The following CSF2RA variants were observed in gnomAD, a reference collection of about 807,000 sequenced individuals.
CSF2RA encodes the protein colony stimulating factor 2 receptor subunit alpha.
Under a neutral mutation model 51.6 loss-of-function variants are expected in CSF2RA, and 42 were observed. That is an observed-to-expected ratio of 0.81 (90% CI 0.64 to 1.05). The LOEUF is 1.05. CSF2RA is among the 50% of genes least tolerant of loss of function. CSF2RA has a pLI of 0.00. For synonymous variants in CSF2RA, 222 were observed against 193.0 expected, an observed-to-expected ratio of 1.15 and a Z score of -1.24; for missense variants, 530 against 501.1, an observed-to-expected ratio of 1.06 and a Z score of -0.55.
intron 2 of CSF2RA, among the ~76,000 whole-genome samples, chrX:1,280,085 C>T (rs1377632249): frequency 1.8e-4 from 27 of 152,028 alleles, no homozygotes; most frequent in Admixed American, 2.6e-4. Context: ...CCACTGTGCC[C>T]GGCCGAGAGA....
At chrX:1,305,754 G>T (rs1447134165) in intron 12 of CSF2RA, 55 of 1,551,608 alleles carry the variant, frequency 3.5e-5, no homozygotes, top group Non-Finnish European at 4.5e-5. Context: ...AGGAGAAACT[G>T]AGGCAGGGTG....
chrX:1,269,961 T>C (rs1365717647), intron 1 of CSF2RA, among the ~76,000 whole-genome samples: 1 of 151,386 alleles, frequency 6.6e-6, no homozygotes, highest in Non-Finnish European at 1.5e-5. Flanking sequence ...TAGAAAAAAT[T>C]AGCTAGGTGT....
downstream of CSF2RA, among the ~76,000 whole-genome samples, chrX:1,314,432 C>T (rs1416520191): frequency 4.7e-5 from 7 of 149,240 alleles, no homozygotes; most frequent in East Asian, 3.9e-4. Context: ...CCTGCCCAAC[C>T]GCACTGCACT....
At chrX:1,300,650 G>C (rs765581573) in intron 10 of CSF2RA, 24 bp downstream of exon 10, 1 of 1,613,906 alleles carries the variant, frequency 6.2e-7, no homozygotes, top group Non-Finnish European at 8.5e-7. Flanking sequence ...GGAGGTAAGG[G>C]ATGTTTGTGC....
chrX:1,290,635 C>CG, intron 7 of CSF2RA, 126 bp downstream of exon 7: 1 of 952,070 alleles, frequency 1.1e-6, no homozygotes, highest in Non-Finnish European at 1.7e-6. Context: ...GAGGCCGAGG[C>CG]GGGCCGATCA....
At chrX:1,311,122 A>T (rs1325942075), downstream of CSF2RA, among the ~76,000 whole-genome samples, 1 of 150,750 alleles carries the variant, frequency 6.6e-6, no homozygotes, top group Non-Finnish European at 1.5e-5. Context: ...GGTGGCGGCC[A>T]CCTGTAGTCC....
chrX:1,281,071 C>T (rs1170685500), intron 2 of CSF2RA, among the ~76,000 whole-genome samples: 5 of 77,360 alleles, frequency 6.5e-5, no homozygotes, highest in Non-Finnish European at 1.3e-4. Context: ...TCCTCCTTCT[C>T]CTCCTCCTCC....
In CSF2RA at chrX:1,309,315, G is replaced by A. The variant is rs574308968; in HGVS notation, c.1126-87G>A. 2,450 of 1,369,486 alleles carry A rather than the reference G, an allele frequency of 1.8e-3. 38 individuals are homozygous for A. Among genetic ancestry groups the A allele is most frequent in the South Asian group, 0.016 (1,368 of 85,688 alleles). 84.8% of individuals were successfully genotyped at this position (1,369,486 alleles called of 1,614,324 possible). On this transcript the variant is annotated intron_variant, in intron 12 of 12. Transcript: ENST00000381529. ...GGGCAATAGAATGAGACTCCGTCTC[G>A]AGGGAGAAAAAGAAAATAAACACAG...
chrX:1,280,488 AAAG>A (rs1556502304), intron 2 of CSF2RA, among the ~76,000 whole-genome samples: 3 of 121,226 alleles, frequency 2.5e-5, no homozygotes, highest in Admixed American at 1.7e-4. Flanking sequence ...AAAAAAAAAA[AAAG>A]AAGAAGAAGA....
intron 2 of CSF2RA, among the ~76,000 whole-genome samples, chrX:1,277,274 A>G (rs2089299311): frequency 6.6e-6 from 1 of 151,928 alleles, no homozygotes; most frequent in African/African-American, 2.4e-5. Context: ...TCCAGCCCCC[A>G]AGAGGGGGTT....
chrX:1,305,557 G>A, intron 12 of CSF2RA, 30 bp downstream of exon 12: 2 of 1,613,982 alleles, frequency 1.2e-6, no homozygotes, highest in Non-Finnish European at 1.7e-6. Flanking sequence ...GCAGTGACCT[G>A]GGATGGAAGG....
Position 1,285,936 on chromosome X carries a change from C to A in CSF2RA, c.219+16C>A. On this transcript the variant is annotated intron_variant, in intron 4 of 12. Transcript: ENST00000381529. ...GGAACCCAGGGTGAGACGAATTTCC[C>A]ATTCTCAACCCCTGTCCTTTACACA... 6.2e-7 allele frequency: 1 copy of A among 1,613,778 alleles called. No individual in the cohort carries two copies. The highest frequency in any genetic ancestry group is 8.5e-7 in the Non-Finnish European group (1 of 1,179,808).
At position 1,302,483 on chromosome X, in the gene CSF2RA, C is replaced by T. The variant is rs375899804; in HGVS notation, c.947-1440C>T. On this transcript the variant is annotated intron_variant, in intron 10 of 12. Coordinates refer to ENST00000381529, the MANE Select transcript of CSF2RA (RefSeq NM_172245.4). ...GTCTGGTGGGCCGGGGTGACTGCAC[C>T]TGTAAGAAATTTTTTTTGTTTATTT... is the stretch of plus-strand genomic sequence containing the variant. 7.2e-5 allele frequency among the ~76,000 whole-genome samples: 11 copies of T among 151,954 alleles called. 1 individual carries two copies. In the East Asian group the frequency reaches 1.7e-3, roughly 24 times the overall value.
At chrX:1,314,981 A>ACCCC (rs1569515172), downstream of CSF2RA, among the ~76,000 whole-genome samples, 11 of 112,510 alleles carry the variant, frequency 9.8e-5, 1 homozygote, top group African/African-American at 3.6e-4. Flanking sequence ...TGCCTGCCCA[A>ACCCC]TCGCACTGCA....
At chrX:1,300,177 C>A in intron 9 of CSF2RA, 1 of 277,522 alleles carries the variant, frequency 3.6e-6, no homozygotes, top group Admixed American at 5.0e-5. Context: ...CAAGATCGCG[C>A]CACTGCACTG....
At chrX:1,291,281 TCTTCCTTC>T (rs1218092149) in intron 7 of CSF2RA, among the ~76,000 whole-genome samples, 1 of 59,390 alleles carries the variant, frequency 1.7e-5, no homozygotes, top group African/African-American at 5.9e-5. Flanking sequence ...TCTTCTTTTT[TCTTCCTTC>T]CTTCCTTCCT....
chrX:1,313,673 T>C (rs1334559326), downstream of CSF2RA, among the ~76,000 whole-genome samples: 790 of 134,316 alleles, frequency 5.9e-3, no homozygotes, highest in Middle Eastern at 0.086. Flanking sequence ...GATCACGCCA[T>C]TGCACTCCAA....
intron 10 of CSF2RA, among the ~76,000 whole-genome samples, chrX:1,301,772 ATTTTTTTT>A (rs1158963938): frequency 7.8e-6 from 1 of 128,662 alleles, no homozygotes; most frequent in Non-Finnish European, 1.7e-5. Context: ...AATTTTTTGT[ATTTTTTTT>A]TTTTTAGTAG....
In CSF2RA at chrX:1,285,973, G is replaced by C. The variant is rs1448421242; in HGVS notation, c.219+53G>C. Reference sequence around the variant, plus strand: ...CTGTCCTTTACACACCCCTTTCTGAGTTAAAAGCAACAGGGCCGGCTGGGC... The same window carrying C: ...CTGTCCTTTACACACCCCTTTCTGACTTAAAAGCAACAGGGCCGGCTGGGC... On this transcript the variant is annotated intron_variant, in intron 4 of 12. Transcript: ENST00000381529. The C allele has an allele frequency of 1.9e-6, 3 of 1,612,184 alleles. No homozygotes were observed. The Admixed American group carries it at 5.0e-5, about 27-fold the overall frequency.
Sources: gnomAD v4.1 joint callset for allele counts (sites outside exome capture counted in the v4.1 genomes callset) on GRCh38, gnomAD v4.1.1 for gene constraint, MANE v1.5 for transcripts, NCBI Gene and HGNC (gene_info 2026-07-23, HGNC 2026-07-21) for gene names.